TTF1: variants seen among roughly 807,000 people sequenced by gnomAD.
TTF1 encodes the protein transcription termination factor, RNA polymerase I.
A neutral mutation model predicts 80.2 loss-of-function variants in TTF1; 64 were observed. The observed-to-expected ratio is 0.80, with a 90% confidence interval of 0.65 to 0.98. TTF1 has a LOEUF of 0.98. Among genes scored for constraint, TTF1 ranks in the 50% least tolerant of loss-of-function variants. TTF1 has a pLI of 0.00. For missense variants in TTF1, 1,023 were observed against 1,086.2 expected (o/e 0.94, Z 0.82); for synonymous variants, 372 against 382.7 (o/e 0.97, Z 0.33).
chr9:132,384,945 C>T lies in TTF1; in HGVS notation c.2378+1611G>A, dbSNP rs186785491. Among the ~76,000 whole-genome samples, 4 of 152,272 alleles carry T rather than the reference C, an allele frequency of 2.6e-5. No homozygotes were observed. Among genetic ancestry groups the T allele is most frequent in the African/African-American group, 2.4e-5 (1 of 41,554 alleles). ...TGCTGGGATTACAGGCAAGAGCCAC[C>T]GTGCCCAGCCTACGTTTCTTTAATT... is the stretch of plus-strand genomic sequence containing the variant. On this transcript the variant is annotated intron_variant, in intron 9 of 10. Coordinates refer to ENST00000334270, the MANE Select transcript of TTF1 (RefSeq NM_007344.4). This position sits in a 1 kb window ranked among gnomAD's most constrained non-coding sequence, Gnocchi z 4.1.
In TTF1 at chr9:132,390,845, AAGATGGTCTTATAGT is replaced by A. The variant is rs1364312404; in HGVS notation, c.1988-29_1988-15del. The A allele has an allele frequency of 6.2e-7, 1 of 1,610,678 alleles. No individual in the cohort carries two copies. The highest frequency in any genetic ancestry group is 1.7e-5 in the Admixed American group (1 of 59,616). ...CACGATTTCTTTCTGTAGATATAAA[AAGATGGTCTTATAGT>A]AGCTAGTCTATTTGCTTTCAAACAC... is the stretch of plus-strand genomic sequence containing the variant. On this transcript the variant is annotated splice_polypyrimidine_tract_variant and intron_variant, in intron 6 of 10. Transcript: ENST00000334270.
intron 5 of TTF1, among the ~76,000 whole-genome samples, chr9:132,392,719 C>T (rs559599723): frequency 5.9e-5 from 9 of 152,222 alleles, no homozygotes; most frequent in East Asian, 3.9e-4. Flanking sequence ...AAACATAATA[C>T]GAGCCTCTTA....
At chr9:132,399,997 C>T (rs751884282) in intron 3 of TTF1, 38 bp downstream of exon 3, 2 of 1,606,560 alleles carry the variant, frequency 1.2e-6, no homozygotes, top group South Asian at 1.1e-5. Flanking sequence ...GCTCTGCATA[C>T]AGGAAGTTCA....
chr9:132,377,746 T>A (rs1440883738), intron 10 of TTF1, among the ~76,000 whole-genome samples: 1 of 131,884 alleles, frequency 7.6e-6, no homozygotes, highest in Non-Finnish European at 1.6e-5. Context: ...GTGGTGTGAG[T>A]GCATGTGGTG....
chr9:132,383,844 C>G (rs989713585), intron 9 of TTF1, among the ~76,000 whole-genome samples: 1 of 152,168 alleles, frequency 6.6e-6, no homozygotes, highest in African/African-American at 2.4e-5. Flanking sequence ...TTTGCCCCAC[C>G]ACCGAGGGGC....
chr9:132,403,948 C>G (rs754666385), intron 1 of TTF1, among the ~76,000 whole-genome samples: 2 of 152,228 alleles, frequency 1.3e-5, no homozygotes, highest in Non-Finnish European at 2.9e-5. Context: ...CGTTAATACT[C>G]ACATACAGGG....
At chr9:132,376,905 C>T (rs1236608896) in intron 10 of TTF1, among the ~76,000 whole-genome samples, 1 of 151,650 alleles carries the variant, frequency 6.6e-6, no homozygotes, top group Non-Finnish European at 1.5e-5. Flanking sequence ...TCTTATGTTG[C>T]CCAGGATGGT....
chr9:132,393,671 T>C (rs989878829), intron 5 of TTF1, among the ~76,000 whole-genome samples: 5 of 152,218 alleles, frequency 3.3e-5, no homozygotes, highest in Non-Finnish European at 2.9e-5. Context: ...ACTTCACACC[T>C]CTATATTTCT....
rs771055856 is a variant in TTF1, at chr9:132,398,326, C to T, written c.1592G>A (p.Gly531Asp). 3.1e-6 allele frequency: 5 copies of T among 1,603,330 alleles called. No homozygotes were observed. The highest frequency in any genetic ancestry group is 2.2e-5 in the South Asian group (2 of 89,270). The part of the protein sequence containing the change: ...LERFKEFKAQ[G>D]VAIKFGKFSV... ...AAACTTGCCAAATTTAATAGCGACA[C>T]CTAGAATTGGGAAGGAACAGGGAGA... The change falls in exon 4 of 11, where the codon GGT becomes GAT. Residue 531 changes from glycine (G) to aspartate (D), a missense_variant and splice_region_variant. Physicochemically the swap from Gly to Asp is moderately conservative, Grantham distance 94 (BLOSUM62 -1). Transcript: ENST00000334270.
chr9:132,404,708 C>T (rs1342486787), intron 1 of TTF1, among the ~76,000 whole-genome samples: 1 of 152,094 alleles, frequency 6.6e-6, no homozygotes, highest in Non-Finnish European at 1.5e-5. Flanking sequence ...TTTCCATTAC[C>T]TCACCTTTCA....
chr9:132,401,412 C>T (rs746888405), intron 2 of TTF1, 43 bp downstream of exon 2: 91 of 1,548,260 alleles, frequency 5.9e-5, no homozygotes, highest in Non-Finnish European at 7.7e-5. Context: ...AGAATCCATA[C>T]GAAAGAAATA....
chr9:132,401,264 T>C (rs1170950758), intron 2 of TTF1, among the ~76,000 whole-genome samples, 191 bp downstream of exon 2: 1 of 151,492 alleles, frequency 6.6e-6, no homozygotes, highest in African/African-American at 2.4e-5. Flanking sequence ...AAGTGGAGGG[T>C]GCGGTAAGCC....
Position 132,386,619 on chromosome 9 carries a change from A to G in TTF1, c.2315T>C (p.Leu772Ser), listed in dbSNP as rs1195412649. Residue 772 changes from leucine (L) to serine (S), a missense_variant and splice_region_variant, in exon 9 of 11, where the codon TTG becomes TCG. Transcript: ENST00000334270. ...AGTATCTTCCACATTTATTTCATACAACCTGTGAGAAAAAATAAAAATTAA... is the reference window on the plus strand; with the variant it reads ...AGTATCTTCCACATTTATTTCATACGACCTGTGAGAAAAAATAAAAATTAA... ...LRAKVSLIERLYEINVEDTNE... is the reference protein window; with the variant it reads ...LRAKVSLIERSYEINVEDTNE... The G allele has an allele frequency of 1.2e-6, 2 of 1,609,284 alleles. No homozygotes were observed.
rs186386326 is a variant in TTF1, at chr9:132,392,451, T to C, written c.1857-245A>G. ...AGCCGGAGCAATCACTTAGCCCTTC[T>C]TCAGCTCAGAGCCTCTGTCCCTGTG... On this transcript the variant is annotated intron_variant, in intron 5 of 10. Coordinates refer to ENST00000334270, the MANE Select transcript of TTF1 (RefSeq NM_007344.4). Among the ~76,000 whole-genome samples, 158 of 152,272 alleles carry C rather than the reference T, an allele frequency of 1.0e-3. 1 individual carries two copies. The highest frequency in any genetic ancestry group is 3.4e-3 in the Middle Eastern group (1 of 294).
chr9:132,400,847 T>G (rs1849748487), intron 2 of TTF1, among the ~76,000 whole-genome samples: 3 of 152,224 alleles, frequency 2.0e-5, no homozygotes, highest in Admixed American at 1.3e-4. Context: ...TTTTATATTT[T>G]TCAAAGGTAA....
chr9:132,378,972 T>A, intron 10 of TTF1, 87 bp downstream of exon 10: 2 of 968,938 alleles, frequency 2.1e-6, no homozygotes, highest in Non-Finnish European at 1.5e-6. Context: ...AGGCTCTAAG[T>A]CCAGTCACCT....
rs1020833107 is a variant in TTF1, at chr9:132,398,145, G to A, written c.1773C>T (p.His591=). ...GGTGATTGTTTCTAAACTTACCAAT[G>A]TGTAATCTAAACGAGTATCTCCTTT... is the stretch of plus-strand genomic sequence containing the variant. ...NLKRRYSFRL[H]IGRNIARPWK... Residue 591 remains histidine (H), a synonymous_variant, in exon 4 of 11, where the codon CAC becomes CAT. Coordinates refer to ENST00000334270, the MANE Select transcript of TTF1 (RefSeq NM_007344.4). 4.4e-6 allele frequency: 7 copies of A among 1,580,248 alleles called. No homozygotes were observed. The highest frequency in any genetic ancestry group is 4.1e-5 in the Admixed American group (2 of 49,152).
chr9:132,401,383 T>G, intron 2 of TTF1, 72 bp downstream of exon 2: 1 of 1,362,662 alleles, frequency 7.3e-7, no homozygotes, highest in Non-Finnish European at 9.7e-7. Context: ...AAGTCTGTGC[T>G]AAATAAAGAG....
At position 132,396,402 on chromosome 9, in the gene TTF1, T is replaced by C. The variant is rs746644133; in HGVS notation, c.1856+31A>G. 10 of 1,597,774 alleles carry C rather than the reference T, an allele frequency of 6.3e-6. No individual in the cohort carries two copies. In the East Asian group the frequency reaches 6.7e-5, roughly 11 times the overall value. ...GGTATCAGCAAAGACTAGAGAAATG[T>C]TGTCTCAAGCTGCTAAGACTTTTTT... is the stretch of plus-strand genomic sequence containing the variant. On this transcript the variant is annotated intron_variant, in intron 5 of 10. Transcript: ENST00000334270.
Sources: gnomAD v4.1 joint callset for allele counts (sites outside exome capture counted in the v4.1 genomes callset) on GRCh38, gnomAD v4.1.1 for gene constraint, Gnocchi (gnomAD v3.1) non-coding constraint, MANE v1.5 for transcripts, NCBI Gene and HGNC (gene_info 2026-07-23, HGNC 2026-07-21) for gene names.